The following TMEFF1 variants were observed in gnomAD, a reference collection of about 807,000 sequenced individuals.
The protein encoded by TMEFF1 is tomoregulin-1.
Under a neutral mutation model 47.5 loss-of-function variants are expected in TMEFF1, and 20 were observed. The ratio of observed to expected loss-of-function variants is 0.42; its 90% CI spans 0.30 to 0.61. TMEFF1 has a LOEUF of 0.61. Ranked by LOEUF, TMEFF1 falls within the 20% of genes least tolerant of loss-of-function variation. TMEFF1 has a pLI of 0.19. For missense variants in TMEFF1, 411 were observed against 471.1 expected, an observed-to-expected ratio of 0.87 and a Z score of 1.18; for synonymous variants, 162 against 166.3, an observed-to-expected ratio of 0.97 and a Z score of 0.20.
At chr9:100,476,153 T>G (rs900113182) in intron 1 of TMEFF1, among the ~76,000 whole-genome samples, 1 of 152,194 alleles carries the variant, frequency 6.6e-6, no homozygotes, top group East Asian at 1.9e-4. Context: ...AAGATATACT[T>G]GAATAACTGG....
intron 6 of TMEFF1, among the ~76,000 whole-genome samples, chr9:100,549,551 A>G (rs899970345): frequency 1.1e-4 from 17 of 152,116 alleles, no homozygotes; most frequent in African/African-American, 2.7e-4. Context: ...AAACCTAACT[A>G]TGTCTTTCGT....
At position 100,575,816 on chromosome 9, in the gene TMEFF1, C is replaced by T. The variant is rs79087250; in HGVS notation, c.1059-700C>T. ...TACTCCACATTGCATAGCACAGCAT[C>T]TTGTGTTTGCAATCTAGTGTGCAGG... On this transcript the variant is annotated intron_variant, in intron 9 of 9. Coordinates refer to ENST00000374879, the MANE Select transcript of TMEFF1 (RefSeq NM_003692.5). 6.8e-3 allele frequency among the ~76,000 whole-genome samples: 1,037 copies of T among 151,822 alleles called. 12 individuals carry two copies. Among genetic ancestry groups the T allele is most frequent in the African/African-American group, 0.023 (968 of 41,364 alleles).
chr9:100,513,444 T>C (rs1006049108), intron 4 of TMEFF1, 111 bp downstream of exon 4: 5 of 1,342,770 alleles, frequency 3.7e-6, no homozygotes, highest in Non-Finnish European at 5.0e-6. Flanking sequence ...ACATACCATA[T>C]AATTTGCCAC....
chr9:100,517,910 A>T (rs1300077604), intron 5 of TMEFF1, among the ~76,000 whole-genome samples: 1 of 152,232 alleles, frequency 6.6e-6, no homozygotes, highest in Admixed American at 6.5e-5. Context: ...ATATGGCATG[A>T]TGAAACACCT....
Position 100,522,888 on chromosome 9 carries a change from C to T in TMEFF1, c.560+6117C>T, listed in dbSNP as rs144289228. Among the ~76,000 whole-genome samples the T allele has an allele frequency of 1.9e-3, 289 of 152,246 alleles. 1 individual carries two copies. Among genetic ancestry groups the T allele is most frequent in the African/African-American group, 6.6e-3 (276 of 41,554 alleles). ...TAGCTGGGACCACAGGTGCCCGCCACCACACCCAGCTAATTTTTTGTATTT... is the reference window on the plus strand; with the variant it reads ...TAGCTGGGACCACAGGTGCCCGCCATCACACCCAGCTAATTTTTTGTATTT... On this transcript the variant is annotated intron_variant, in intron 5 of 9. Coordinates refer to ENST00000374879, the MANE Select transcript of TMEFF1 (RefSeq NM_003692.5).
In TMEFF1 at chr9:100,576,940, CA is replaced by C. The variant is rs1209471266; in HGVS notation, c.*342del. 11 of 174,756 alleles carry C rather than the reference CA, an allele frequency of 6.3e-5. No homozygotes were observed. The allele number at this position is 174,756 out of a possible 1,614,324, so 10.8% of individuals were successfully genotyped here. A position where few individuals can be genotyped will look rare whatever the true frequency, so the allele number is the denominator to read the frequency against. On this transcript the variant is annotated 3_prime_UTR_variant, in exon 10 of 10. Coordinates refer to ENST00000374879, the MANE Select transcript of TMEFF1 (RefSeq NM_003692.5). The stretch of plus-strand genomic sequence containing the variant: ...TTCCACAATGACCACAGCAAATGAC[CA>C]AGCATGAACTAAAGGTAAAGATGTT...
chr9:100,557,995 A>G (rs757992622), intron 7 of TMEFF1, among the ~76,000 whole-genome samples: 37 of 152,150 alleles, frequency 2.4e-4, no homozygotes, highest in Non-Finnish European at 4.7e-4. Flanking sequence ...AGACATGTTC[A>G]TGTTTTATAT....
intron 7 of TMEFF1, among the ~76,000 whole-genome samples, chr9:100,558,154 C>T (rs1420819955): frequency 6.6e-6 from 1 of 152,078 alleles, no homozygotes; most frequent in Non-Finnish European, 1.5e-5. Flanking sequence ...TAGCTGAGTT[C>T]TCTTATAGCT....
chr9:100,544,474 A>G (rs1052927200), intron 5 of TMEFF1, among the ~76,000 whole-genome samples: 4 of 152,166 alleles, frequency 2.6e-5, no homozygotes, highest in Non-Finnish European at 4.4e-5. Context: ...GCAGCACAGG[A>G]AAGACCCACC....
chr9:100,484,542 C>T lies in TMEFF1; in HGVS notation c.196+10802C>T, dbSNP rs1190752586. ...CTGTGTTGTCCAGGCTGGTCTTGAA[C>T]TCCTGACCTCAGGTGATCCGCCTGC... On this transcript the variant is annotated intron_variant, in intron 1 of 9. Coordinates refer to ENST00000374879, the MANE Select transcript of TMEFF1 (RefSeq NM_003692.5). 5.9e-5 allele frequency among the ~76,000 whole-genome samples: 9 copies of T among 152,098 alleles called. 1 individual carries two copies. The South Asian group carries it at 1.9e-3, about 32-fold the overall frequency.
intron 3 of TMEFF1, among the ~76,000 whole-genome samples, chr9:100,511,191 A>G (rs1837958986): frequency 1.3e-5 from 2 of 152,376 alleles, no homozygotes; most frequent in African/African-American, 4.8e-5. Context: ...GTGTTTCACA[A>G]AATGATCTAG....
intron 7 of TMEFF1, among the ~76,000 whole-genome samples, chr9:100,552,746 C>T (rs746825276): frequency 1.4e-4 from 21 of 151,964 alleles, no homozygotes; most frequent in Non-Finnish European, 2.6e-4. Context: ...GATGTGGTCG[C>T]AGCTGCTTGG....
chr9:100,509,822 A>G (rs1837930604), intron 3 of TMEFF1, among the ~76,000 whole-genome samples: 1 of 151,330 alleles, frequency 6.6e-6, no homozygotes, highest in Admixed American at 6.6e-5. Flanking sequence ...AGTCATTAGC[A>G]GTATCACAGA....
chr9:100,490,395 C>G (rs1837527021), intron 1 of TMEFF1, among the ~76,000 whole-genome samples: 1 of 152,076 alleles, frequency 6.6e-6, no homozygotes, highest in Non-Finnish European at 1.5e-5. Context: ...TTTGCTAAAT[C>G]TATTGCTTGA....
chr9:100,529,640 A>G, intron 5 of TMEFF1, among the ~76,000 whole-genome samples: 1 of 152,158 alleles, frequency 6.6e-6, no homozygotes, highest in Non-Finnish European at 1.5e-5. Flanking sequence ...CACATTAATA[A>G]TGGGAGACTT....
At chr9:100,496,347 C>T (rs753431646) in intron 1 of TMEFF1, among the ~76,000 whole-genome samples, 8 of 152,192 alleles carry the variant, frequency 5.3e-5, no homozygotes, top group Non-Finnish European at 8.8e-5. Context: ...TCAAGTGATC[C>T]TCCCACCTCA....
chr9:100,550,644 C>T (rs1838814219), intron 7 of TMEFF1, among the ~76,000 whole-genome samples: 1 of 152,162 alleles, frequency 6.6e-6, no homozygotes, highest in Admixed American at 6.5e-5. Flanking sequence ...AGATGCCTTT[C>T]CTGTATACTC....
At chr9:100,523,670 A>C (rs148756753) in intron 5 of TMEFF1, among the ~76,000 whole-genome samples, 115 of 152,314 alleles carry the variant, frequency 7.6e-4, no homozygotes, top group African/African-American at 2.5e-3. Flanking sequence ...ATGTTTTCCT[A>C]ACTGCTAAAT....
At chr9:100,495,715 A>G (rs970449116) in intron 1 of TMEFF1, among the ~76,000 whole-genome samples, 4 of 152,194 alleles carry the variant, frequency 2.6e-5, no homozygotes, top group Non-Finnish European at 5.9e-5. Flanking sequence ...AAATATGACT[A>G]ATAACCAGAG....
Sources: allele counts gnomAD v4.1 joint callset (sites outside exome capture counted in the v4.1 genomes callset), GRCh38; gene constraint gnomAD v4.1.1; transcripts MANE v1.5; gene names NCBI Gene and HGNC (gene_info 2026-07-23, HGNC 2026-07-21).